The following IGFL3 variants were observed in gnomAD, a reference collection of about 807,000 sequenced individuals.
IGFL3 encodes the protein IGF like family member 3, also known as insulin growth factor-like family member 3.
A neutral mutation model predicts 17.0 loss-of-function variants in IGFL3; 12 were observed. That is an observed-to-expected ratio of 0.71 (90% CI 0.45 to 1.14). The LOEUF (loss-of-function observed/expected upper bound fraction) is 1.14, where lower values mean the gene tolerates loss of function less well. IGFL3 is among the 50% of genes most tolerant of loss of function. The probability of loss-of-function intolerance (pLI) is 0.00; values close to 1 mark genes in which losing one functional copy is unlikely to be tolerated. For missense variants in IGFL3, 153 were observed against 151.6 expected (o/e 1.01, Z -0.05); for synonymous variants, 52 against 57.4 (o/e 0.91, Z 0.42).
chr19:46,124,506 C>T (rs1971982103), intron 1 of IGFL3, 119 bp downstream of exon 1: 2 of 1,188,760 alleles, frequency 1.7e-6, no homozygotes, highest in Non-Finnish European at 2.5e-6. Flanking sequence ...TTTGAGGTGA[C>T]TAGTAGGGCA....
At chr19:46,121,886 C>T (rs1387888690) in intron 3 of IGFL3, among the ~76,000 whole-genome samples, 1 of 150,824 alleles carries the variant, frequency 6.6e-6, no homozygotes, top group Non-Finnish European at 1.5e-5. Flanking sequence ...GGTAAGGTTG[C>T]AGTGAGCTGA....
Position 46,124,622 on chromosome 19 carries a change from T to C in IGFL3, c.25+3A>G, listed in dbSNP as rs561876864. On this transcript the variant is annotated splice_donor_region_variant and intron_variant, in intron 1 of 3. Coordinates refer to ENST00000341415, the MANE Select transcript of IGFL3 (RefSeq NM_207393.2). ...TGATGTTTGGATTTGGGGTCCTACT[T>C]GCCCAAGATGCAGCATCGTGGCCTC... is the stretch of plus-strand genomic sequence containing the variant. 1 of 1,608,278 alleles carries C rather than the reference T, an allele frequency of 6.2e-7. No individual in the cohort carries two copies. Among genetic ancestry groups the C allele is most frequent in the Non-Finnish European group, 8.5e-7 (1 of 1,177,070 alleles).
chr19:46,124,573 A>AG, intron 1 of IGFL3, 52 bp downstream of exon 1: 1 of 1,527,624 alleles, frequency 6.5e-7, no homozygotes, highest in Non-Finnish European at 9.1e-7. Context: ...GAGGTTTGGG[A>AG]GCTGCACTGG....
chr19:46,122,428 G>T (rs1318215626), intron 3 of IGFL3, among the ~76,000 whole-genome samples: 1 of 151,084 alleles, frequency 6.6e-6, no homozygotes, highest in Non-Finnish European at 1.5e-5. Context: ...GAACAAATAG[G>T]TGAAGTCATT....
chr19:46,121,043 A>T (rs1281082377), intron 3 of IGFL3, among the ~76,000 whole-genome samples: 1 of 150,614 alleles, frequency 6.6e-6, no homozygotes, highest in African/African-American at 2.5e-5. Flanking sequence ...GCATTTCAAG[A>T]TACATATTTG....
chr19:46,122,644 A>G lies in IGFL3; in HGVS notation c.350+1242T>C, dbSNP rs549555496. On this transcript the variant is annotated intron_variant, in intron 3 of 3. Coordinates refer to ENST00000341415, the MANE Select transcript of IGFL3 (RefSeq NM_207393.2). ...TGCTGTTATTCTGAATATAACTTTT[A>G]ATTACTTTCTGTAAGTTACATTCGG... 7.1e-4 allele frequency among the ~76,000 whole-genome samples: 108 copies of G among 151,224 alleles called. 4 individuals are homozygous for G. Among genetic ancestry groups the G allele is most frequent in the African/African-American group, 2.5e-3 (102 of 40,896 alleles).
chr19:46,122,236 G>C (rs1293295031), intron 3 of IGFL3, among the ~76,000 whole-genome samples: 1 of 151,002 alleles, frequency 6.6e-6, no homozygotes, highest in Non-Finnish European at 1.5e-5. Context: ...AGATCAGGCA[G>C]GCTATATATA....
In IGFL3 at chr19:46,120,334, G is replaced by A. The variant is rs749485678; in HGVS notation, c.374C>T (p.Pro125Leu). ...TGCCAGTGGAGCCTGGGGTTTTTAT[G>A]GGTACAGGACGTGCCTCCTGTTCCT... The part of the protein sequence containing the change: ...CTRNRRHVLY[P>L] The change falls in exon 4 of 4, where the codon CCA (proline) becomes CTA (leucine). Residue 125 changes from proline (P) to leucine (L), a missense_variant. Pro to Leu is a moderately conservative substitution (Grantham distance 98). Transcript: ENST00000341415. 2.9e-5 allele frequency: 47 copies of A among 1,611,006 alleles called. 1 individual carries two copies. The South Asian group carries it at 4.8e-4, about 17-fold the overall frequency.
chr19:46,124,454 G>T (rs1971979217), intron 1 of IGFL3, 133 bp from the exon 2 acceptor site: 1 of 1,178,940 alleles, frequency 8.5e-7, no homozygotes, highest in Non-Finnish European at 1.3e-6. Context: ...GTCTGTATGG[G>T]ATCCCGTTCA....
In IGFL3 at chr19:46,123,328, A is replaced by C. The variant is rs141936393; in HGVS notation, c.350+558T>G. The stretch of plus-strand genomic sequence containing the variant: ...TCATCTTAAAAATAGAAACAAAAGG[A>C]CTACTTAAACTGACATTAACTAATA... On this transcript the variant is annotated intron_variant, in intron 3 of 3. Transcript: ENST00000341415. Among the ~76,000 whole-genome samples, 586 of 151,030 alleles carry C rather than the reference A, an allele frequency of 3.9e-3. 36 individuals carry two copies. Among genetic ancestry groups the C allele is most frequent in the African/African-American group, 0.014 (554 of 40,746 alleles).
chr19:46,123,965 G>T lies in IGFL3; in HGVS notation c.271C>A (p.Gln91Lys). 6.2e-7 allele frequency: 1 copy of T among 1,611,554 alleles called. No homozygotes were observed. The change falls in exon 3 of 4, where the codon CAG becomes AAG. Residue 91 changes from glutamine (Q) to lysine (K), a missense_variant. Physicochemically the swap from Gln to Lys is moderately conservative, Grantham distance 53 (BLOSUM62 1). Coordinates refer to ENST00000341415, the MANE Select transcript of IGFL3 (RefSeq NM_207393.2). ...LCCPESFGPQ[Q>K]KFLVKLRVLG... ...ACCCTCAACTTCACAAGAAACTTCT[G>T]CTGGGGGCCAAAAGACTCGGGACAG...
chr19:46,121,565 C>T (rs913477196), intron 3 of IGFL3, among the ~76,000 whole-genome samples: 5 of 150,036 alleles, frequency 3.3e-5, no homozygotes, highest in African/African-American at 1.2e-4. Context: ...AATTATGAGA[C>T]AAAGACAAGA....
chr19:46,122,304 CTT>C (rs1451884100), intron 3 of IGFL3, among the ~76,000 whole-genome samples: 1 of 150,940 alleles, frequency 6.6e-6, no homozygotes, highest in African/African-American at 2.5e-5. Flanking sequence ...TAAAAAGAAA[CTT>C]GTCAAAATAT....
chr19:46,120,626 A>G (rs1971707742), intron 3 of IGFL3, among the ~76,000 whole-genome samples: 1 of 151,066 alleles, frequency 6.6e-6, no homozygotes, highest in South Asian at 2.1e-4. Context: ...TTGATCTTAA[A>G]GAAAATGCAA....
At position 46,124,165 on chromosome 19, in the gene IGFL3, A is replaced by G. The variant is rs1407956561; in HGVS notation, c.80-9T>C. The G allele has an allele frequency of 1.2e-6, 2 of 1,610,178 alleles. No individual in the cohort carries two copies. Among genetic ancestry groups the G allele is most frequent in the East Asian group, 4.5e-5 (2 of 44,394 alleles). On this transcript the variant is annotated splice_polypyrimidine_tract_variant and intron_variant, in intron 2 of 3. Transcript: ENST00000341415. The stretch of plus-strand genomic sequence containing the variant: ...TGAGCCAACAGGAGCGTCTGGGGGC[A>G]GACATTGATGGTGTACATCCAAGGA...
intron 3 of IGFL3, among the ~76,000 whole-genome samples, 158 bp downstream of exon 3, chr19:46,123,728 C>CT (rs1568405014): frequency 6.6e-6 from 1 of 150,822 alleles, no homozygotes; most frequent in East Asian, 2.0e-4. Flanking sequence ...GAAAGGCAGA[C>CT]TTATAGCTTA....
chr19:46,120,955 T>A (rs750942385), intron 3 of IGFL3, among the ~76,000 whole-genome samples: 4 of 150,846 alleles, frequency 2.7e-5, no homozygotes, highest in Non-Finnish European at 5.9e-5. Flanking sequence ...ATTAAAAAAT[T>A]AAAAAATAAA....
rs559018969 is a variant in IGFL3 at position 46,124,175 on chromosome 19, G to A, written c.80-19C>T. 1.7e-5 allele frequency: 27 copies of A among 1,609,918 alleles called. 2 individuals are homozygous for A. The South Asian group carries it at 3.0e-4, about 18-fold the overall frequency. On this transcript the variant is annotated intron_variant, in intron 2 of 3. Coordinates refer to ENST00000341415, the MANE Select transcript of IGFL3 (RefSeq NM_207393.2). The stretch of plus-strand genomic sequence containing the variant: ...GGAGCGTCTGGGGGCAGACATTGAT[G>A]GTGTACATCCAAGGAAGAACAGATA...
Position 46,124,052 on chromosome 19 carries a change from A to G in IGFL3, c.184T>C (p.Ser62Pro). 1 of 1,611,524 alleles carries G rather than the reference A, an allele frequency of 6.2e-7. No homozygotes were observed. The highest frequency in any genetic ancestry group is 8.5e-7 in the Non-Finnish European group (1 of 1,179,688). ...CCACAGCGGCGGGTCTCCTTTAAGG[A>G]TAAGATGGCATCATCATAACAGCAC... ...EQCCYDDAIL[S>P]LKETRRCGST... The change falls in exon 3 of 4, where the codon TCC becomes CCC. Residue 62 changes from serine to proline, a missense_variant. Physicochemically the swap from Ser to Pro is moderately conservative, Grantham distance 74 (BLOSUM62 -1). Coordinates refer to ENST00000341415, the MANE Select transcript of IGFL3 (RefSeq NM_207393.2).
Sources: allele counts gnomAD v4.1 joint callset (sites outside exome capture counted in the v4.1 genomes callset), GRCh38; gene constraint gnomAD v4.1.1; transcripts MANE v1.5; gene names NCBI Gene and HGNC (gene_info 2026-07-23, HGNC 2026-07-21).